Variants in MUC13 observed in about 807,000 individuals in gnomAD.
The protein encoded by MUC13 is mucin 13, cell surface associated.
MUC13 carries 32 observed loss-of-function variants against 48.3 expected under a neutral mutation model. The observed-to-expected ratio is 0.66, with a 90% confidence interval of 0.50 to 0.89. The LOEUF is 0.89. MUC13 is among the 40% of genes least tolerant of loss of function. The probability of loss-of-function intolerance (pLI) is 0.00; values close to 1 mark genes in which losing one functional copy is unlikely to be tolerated. For missense variants in MUC13, 571 were observed against 622.8 expected (o/e 0.92, Z 0.88); for synonymous variants, 199 against 224.9 (o/e 0.88, Z 1.03).
intron 10 of MUC13, among the ~76,000 whole-genome samples, chr3:124,909,867 T>A (rs1417728005): frequency 6.6e-6 from 1 of 152,148 alleles, no homozygotes; most frequent in African/African-American, 2.4e-5. Context: ...GGTTGCTATG[T>A]CATCTTACGG....
chr3:124,919,740 A>G (rs1190378574), intron 5 of MUC13, among the ~76,000 whole-genome samples: 1 of 152,126 alleles, frequency 6.6e-6, no homozygotes, highest in Non-Finnish European at 1.5e-5. Flanking sequence ...TACATATTGA[A>G]GTGCTCAATA....
intron 6 of MUC13, among the ~76,000 whole-genome samples, chr3:124,916,049 T>C (rs1392355284): frequency 6.6e-6 from 1 of 152,216 alleles, no homozygotes; most frequent in East Asian, 1.9e-4. Flanking sequence ...CTCCTTTTTC[T>C]TTCCCTGCCC....
At chr3:124,930,158 A>G (rs897564176) in intron 1 of MUC13, among the ~76,000 whole-genome samples, 1 of 152,248 alleles carries the variant, frequency 6.6e-6, no homozygotes, top group South Asian at 2.1e-4. Context: ...ATGTGCATAA[A>G]ACAAATTGGG....
chr3:124,909,089 G>A, intron 10 of MUC13, among the ~76,000 whole-genome samples: 1 of 152,082 alleles, frequency 6.6e-6, no homozygotes. Context: ...GGGAGGTGGA[G>A]GTTGCAGCGA....
intron 11 of MUC13, among the ~76,000 whole-genome samples, chr3:124,907,453 ACAAAAAATAC>A (rs1404122202): frequency 5.9e-5 from 9 of 152,258 alleles, no homozygotes; most frequent in South Asian, 4.2e-4. Flanking sequence ...CCCTGTCTCT[ACAAAAAATAC>A]CAAAATTAGC....
chr3:124,929,679 T>C (rs1935759528), intron 1 of MUC13, among the ~76,000 whole-genome samples: 2 of 151,880 alleles, frequency 1.3e-5, no homozygotes, highest in African/African-American at 4.8e-5. Context: ...TTCTCATCTA[T>C]CAAGCACTGG....
At position 124,908,214 on chromosome 3, in the gene MUC13, G is replaced by T. The variant is rs1935349278; in HGVS notation, c.1472C>A (p.Ala491Asp). The T allele has an allele frequency of 6.2e-7, 1 of 1,613,996 alleles. No homozygotes were observed. Among genetic ancestry groups the T allele is most frequent in the Non-Finnish European group, 8.5e-7 (1 of 1,180,044 alleles). ...GSVFPKVRIT[A>D]SRDSQMQNPY... ...ATTTTGCATCTGGCTGTCTCTGGAG[G>T]CCGTTATCCTGACCTTAGGAAAGAC... Residue 491 changes from alanine to aspartate, a missense_variant, in exon 11 of 12, where the codon GCC becomes GAC. Physicochemically the swap from Ala to Asp is moderately radical, Grantham distance 126. Coordinates refer to ENST00000616727, the MANE Select transcript of MUC13 (RefSeq NM_033049.4).
At position 124,913,226 on chromosome 3, in the gene MUC13, A is replaced by C; in HGVS notation, c.1099T>G (p.Cys367Gly). The change falls in exon 8 of 12, where the codon TGT becomes GGT. Residue 367 changes from cysteine (C) to glycine (G), a missense_variant. Coordinates refer to ENST00000616727, the MANE Select transcript of MUC13 (RefSeq NM_033049.4). ...TGCTGTGCGTTGCAGGCATCAGGAC[A>C]CTTGAGACTGGAAGCTTCAAAACAG... ...SPFCVASSLK[C>G]PDACNAQHKQ... is the part of the protein sequence containing the mutation. 1 of 1,611,740 alleles carries C rather than the reference A, an allele frequency of 6.2e-7. No individual in the cohort carries two copies. Among genetic ancestry groups the C allele is most frequent in the Non-Finnish European group, 8.5e-7 (1 of 1,178,488 alleles).
chr3:124,919,881 C>G (rs890218093), intron 5 of MUC13, among the ~76,000 whole-genome samples: 1 of 152,174 alleles, frequency 6.6e-6, no homozygotes, highest in Non-Finnish European at 1.5e-5. Flanking sequence ...AGTCTCCCCC[C>G]GGCCCACTGG....
At chr3:124,928,359 G>A (rs9856999) in intron 1 of MUC13, among the ~76,000 whole-genome samples, 65,473 of 151,958 alleles carry the variant, frequency 0.43, 14,146 homozygotes, top group South Asian at 0.47. Flanking sequence ...ATTGAAAAAT[G>A]TGACAAATAA....
intron 11 of MUC13, 55 bp downstream of exon 11, chr3:124,908,092 G>T: frequency 6.3e-7 from 1 of 1,575,022 alleles, no homozygotes; most frequent in South Asian, 1.1e-5. Context: ...CCAGGTCTCT[G>T]CTCTGCCCTG....
intron 1 of MUC13, 47 bp from the exon 2 acceptor site, chr3:124,928,040 A>C: frequency 2.3e-6 from 3 of 1,325,406 alleles, no homozygotes; most frequent in Non-Finnish European, 3.1e-6. Flanking sequence ...ACATTGAATA[A>C]CTAATGGCAG....
At chr3:124,915,212 A>ACTT (rs1935490895) in intron 6 of MUC13, among the ~76,000 whole-genome samples, 2 of 152,134 alleles carry the variant, frequency 1.3e-5, no homozygotes, top group African/African-American at 2.4e-5. Context: ...GGGGTGAGGA[A>ACTT]CTTCTGATGA....
At chr3:124,907,657 TAGAG>T (rs71800171) in intron 11 of MUC13, among the ~76,000 whole-genome samples, 46 of 143,794 alleles carry the variant, frequency 3.2e-4, no homozygotes, top group Middle Eastern at 3.4e-3. Context: ...TATATATATA[TAGAG>T]AGAGAGAGAG....
chr3:124,925,167 C>T (rs1216076893), intron 2 of MUC13, among the ~76,000 whole-genome samples: 2 of 152,090 alleles, frequency 1.3e-5, no homozygotes, highest in Non-Finnish European at 2.9e-5. Flanking sequence ...GCTATCAAGC[C>T]ATGAAAAGAC....
At chr3:124,923,102 G>GAAAAAA (rs60674640) in intron 3 of MUC13, among the ~76,000 whole-genome samples, 1 of 141,626 alleles carries the variant, frequency 7.1e-6, no homozygotes, top group Non-Finnish European at 1.5e-5. Context: ...TCATAAAACA[G>GAAAAAA]AAAAAAAAAA....
intron 11 of MUC13, among the ~76,000 whole-genome samples, chr3:124,907,115 G>A (rs1935331896): frequency 6.6e-6 from 1 of 152,212 alleles, no homozygotes; most frequent in Non-Finnish European, 1.5e-5. Context: ...TCTCCCTAGA[G>A]AAATACAGTA....
Position 124,908,325 on chromosome 3 carries a change from A to T in MUC13, c.1361T>A (p.Ile454Asn), listed in dbSNP as rs368346040. Reference sequence around the variant, plus strand: ...TTCGTCAATCAAGTTCTCTTCTTCAATATGCTTCGTTTTGTTATTTGATCT... The same window carrying T: ...TTCGTCAATCAAGTTCTCTTCTTCATTATGCTTCGTTTTGTTATTTGATCT... ...TARSNNKTKH[I>N]EEENLIDEDF... The change falls in exon 11 of 12, where the codon ATT (isoleucine) becomes AAT (asparagine). Residue 454 changes from isoleucine (I) to asparagine (N), a missense_variant. Coordinates refer to ENST00000616727, the MANE Select transcript of MUC13 (RefSeq NM_033049.4). 5.0e-6 allele frequency: 8 copies of T among 1,614,050 alleles called. No individual in the cohort carries two copies. In the African/African-American group the frequency reaches 1.1e-4, roughly 22 times the overall value.
At chr3:124,909,084 G>A (rs1324558514) in intron 10 of MUC13, among the ~76,000 whole-genome samples, 2 of 152,016 alleles carry the variant, frequency 1.3e-5, no homozygotes, top group African/African-American at 4.8e-5. Flanking sequence ...AACCTGGGAG[G>A]TGGAGGTTGC....
Sources: gnomAD v4.1 joint callset for allele counts (sites outside exome capture counted in the v4.1 genomes callset) on GRCh38, gnomAD v4.1.1 for gene constraint, MANE v1.5 for transcripts, NCBI Gene and HGNC (gene_info 2026-07-23, HGNC 2026-07-21) for gene names.